KCNQ1: variants seen among roughly 807,000 people sequenced by gnomAD.
KCNQ1 encodes potassium voltage-gated channel subfamily KQT member 1.
KCNQ1 carries 49 observed loss-of-function variants against 72.4 expected under a neutral mutation model. That is an observed-to-expected ratio of 0.68 (90% CI 0.54 to 0.86). The LOEUF is 0.86. Among genes scored for constraint, KCNQ1 ranks in the 40% least tolerant of loss-of-function variants. The pLI is 0.00. For missense variants in KCNQ1, 790 were observed against 945.1 expected, an observed-to-expected ratio of 0.84 and a Z score of 2.15; for synonymous variants, 450 against 412.6, an observed-to-expected ratio of 1.09 and a Z score of -1.10.
chr11:2,721,280 G>C (rs188376979), intron 11 of KCNQ1, among the ~76,000 whole-genome samples: 1 of 152,164 alleles, frequency 6.6e-6, no homozygotes, highest in African/African-American at 2.4e-5. Flanking sequence ...AGCACTTCGG[G>C]GGTTGAAAAG....
rs558507741 is a variant in KCNQ1 at position 2,778,047 on chromosome 11, C to T, written c.1794+10C>T. On this transcript the variant is annotated intron_variant, in intron 15 of 15. Transcript: ENST00000155840. ...CCGAGTAGAAGACAAGGTAGGCTCA[C>T]GCGCCGGCCTGCGGTGGTTCTGGTT... The T allele has an allele frequency of 1.1e-5, 17 of 1,613,170 alleles. No individual in the cohort carries two copies. Among genetic ancestry groups the T allele is most frequent in the African/African-American group, 2.7e-5 (2 of 75,042 alleles).
intron 6 of KCNQ1, 74 bp downstream of exon 6, chr11:2,573,060 G>A (rs1483698986): frequency 1.8e-5 from 27 of 1,537,862 alleles, no homozygotes; most frequent in Non-Finnish European, 2.1e-5. Flanking sequence ...CTGGGCACTG[G>A]TGTCTTGAGA....
In KCNQ1 at chr11:2,609,015, T is replaced by C. The variant is rs186019929; in HGVS notation, c.1393+20161T>C. 7 of 398,468 alleles carry C rather than the reference T, an allele frequency of 1.8e-5. No homozygotes were observed. The Admixed American group carries it at 3.1e-4, about 18-fold the overall frequency. 24.7% of individuals were successfully genotyped at this position (398,468 alleles called of 1,614,324 possible). A position where few individuals can be genotyped will look rare whatever the true frequency, so the allele number is the denominator to read the frequency against. ...GGATTTGTTGACTTTATTATTTTTA[T>C]ATTCTATATTTTATTTCTACTCTAA... On this transcript the variant is annotated intron_variant, in intron 10 of 15. Coordinates refer to ENST00000155840, the MANE Select transcript of KCNQ1 (RefSeq NM_000218.3).
In KCNQ1 at chr11:2,482,508, C is replaced by T. The variant is rs910785373; in HGVS notation, c.386+37024C>T. 6.6e-6 allele frequency among the ~76,000 whole-genome samples: 1 copy of T among 152,170 alleles called. No individual in the cohort carries two copies. The highest frequency in any genetic ancestry group is 2.4e-5 in the African/African-American group (1 of 41,436). ...AACTCAAGATTATTTCCTTGGGTCA[C>T]ATTTGCAGGAGAAGACTGACAGGAT... On this transcript the variant is annotated intron_variant, in intron 1 of 15. Coordinates refer to ENST00000155840, the MANE Select transcript of KCNQ1 (RefSeq NM_000218.3). The surrounding 1 kb of genome is among the most constrained non-coding windows in gnomAD (Gnocchi z 5.7).
At chr11:2,590,400 C>T (rs984626180) in intron 10 of KCNQ1, among the ~76,000 whole-genome samples, 1 of 152,234 alleles carries the variant, frequency 6.6e-6, no homozygotes, top group Admixed American at 6.5e-5. Context: ...AAGCCCCCGT[C>T]CCAGGGCGTG....
chr11:2,846,677 C>G (rs934434456), intron 15 of KCNQ1, among the ~76,000 whole-genome samples: 1 of 152,254 alleles, frequency 6.6e-6, no homozygotes, highest in South Asian at 2.1e-4. Flanking sequence ...CGGCCAGGGC[C>G]TTCCAGTCTC....
At position 2,833,170 on chromosome 11, in the gene KCNQ1, G is replaced by T. The variant is rs113715362; in HGVS notation, c.1795-14597G>T. 5.5e-3 allele frequency among the ~76,000 whole-genome samples: 844 copies of T among 152,266 alleles called. 9 individuals carry two copies. The highest frequency in any genetic ancestry group is 0.019 in the African/African-American group (803 of 41,540). On this transcript the variant is annotated intron_variant, in intron 15 of 15. Coordinates refer to ENST00000155840, the MANE Select transcript of KCNQ1 (RefSeq NM_000218.3). ...GGGGTGCCTGTGTGCCTCTGGAGTC[G>T]AGGCAATTAGAGGCCCTGTGGAAGC...
intron 15 of KCNQ1, among the ~76,000 whole-genome samples, chr11:2,819,099 G>C (rs1440698575): frequency 6.6e-6 from 1 of 152,206 alleles, no homozygotes; most frequent in East Asian, 1.9e-4. Flanking sequence ...CCTGGCCTTT[G>C]TTCATTGGTT....
rs368788836 is a variant in KCNQ1, at chr11:2,462,248, G to A, written c.386+16764G>A. 2.6e-4 allele frequency among the ~76,000 whole-genome samples: 40 copies of A among 152,312 alleles called. No homozygotes were observed. The highest frequency in any genetic ancestry group is 9.4e-4 in the African/African-American group (39 of 41,562). On this transcript the variant is annotated intron_variant, in intron 1 of 15. Transcript: ENST00000155840. The surrounding 1 kb of genome is among the most constrained non-coding windows in gnomAD (Gnocchi z 8.2). ...GGCTGTTCTTGGGGCTGCCAGGCCT[G>A]CAAGGTAGACAGGCCTCTGGACTTG...
intron 1 of KCNQ1, among the ~76,000 whole-genome samples, chr11:2,460,129 G>A (rs950443806): frequency 2.0e-5 from 3 of 152,176 alleles, no homozygotes; most frequent in Non-Finnish European, 4.4e-5. Context: ...CCCATGGGCA[G>A]CAGAGGTGTC....
chr11:2,556,214 C>T (rs1288036860), intron 2 of KCNQ1, among the ~76,000 whole-genome samples: 1 of 152,192 alleles, frequency 6.6e-6, no homozygotes, highest in African/African-American at 2.4e-5. Flanking sequence ...ATAAGAACAC[C>T]AGTTGTATGG....
In KCNQ1 at chr11:2,677,875, C is replaced by T. The variant is rs182169333; in HGVS notation, c.1514+15794C>T. 1 of 398,522 alleles carries T rather than the reference C, an allele frequency of 2.5e-6. No homozygotes were observed. Among genetic ancestry groups the T allele is most frequent in the Non-Finnish European group, 4.4e-6 (1 of 226,038 alleles). 24.7% of individuals were successfully genotyped at this position (398,522 alleles called of 1,614,324 possible). A position where few individuals can be genotyped will look rare whatever the true frequency, so the allele number is the denominator to read the frequency against. On this transcript the variant is annotated intron_variant, in intron 11 of 15. Coordinates refer to ENST00000155840, the MANE Select transcript of KCNQ1 (RefSeq NM_000218.3). The surrounding 1 kb of genome is among the most constrained non-coding windows in gnomAD (Gnocchi z 4.5). ...TTACATCACTTTGACTGCACAAATGCACTTTCTTCCCCCACCCTTACCAAG... is the reference window on the plus strand; with the variant it reads ...TTACATCACTTTGACTGCACAAATGTACTTTCTTCCCCCACCCTTACCAAG...
rs975740830 is a variant in KCNQ1, at chr11:2,671,581, T to C, written c.1514+9500T>C. 5.0e-6 allele frequency: 2 copies of C among 398,654 alleles called. No individual in the cohort carries two copies. Among genetic ancestry groups the C allele is most frequent in the African/African-American group, 2.1e-5 (1 of 48,754 alleles). 24.7% of individuals were successfully genotyped at this position (398,654 alleles called of 1,614,324 possible). On this transcript the variant is annotated intron_variant, in intron 11 of 15. Transcript: ENST00000155840. This position sits in a 1 kb window ranked among gnomAD's most constrained non-coding sequence, Gnocchi z 4.7. ...CTAAGTCTTTGGCACTGAGCATTTA[T>C]ACAAGATCAGACTGCACTGCACCCT...
intron 2 of KCNQ1, 100 bp from the exon 3 acceptor site, chr11:2,570,528 A>G (rs1441531583): frequency 1.9e-5 from 29 of 1,523,482 alleles, no homozygotes; most frequent in Non-Finnish European, 2.6e-5. Flanking sequence ...GGTGTCCTTC[A>G]GCGGAGGCTC....
chr11:2,607,470 C>T lies in KCNQ1; in HGVS notation c.1393+18616C>T, dbSNP rs1467723643. Among the ~76,000 whole-genome samples, 9 of 152,238 alleles carry T rather than the reference C, an allele frequency of 5.9e-5. No homozygotes were observed. The East Asian group carries it at 1.7e-3, about 29-fold the overall frequency. ...GGTTAGGTCATGAGGGTGGAGACCT[C>T]ATGGAATGGATTAGTGCCCTTGTAA... On this transcript the variant is annotated intron_variant, in intron 10 of 15. Transcript: ENST00000155840.
chr11:2,753,832 A>C (rs1484513178), intron 11 of KCNQ1, among the ~76,000 whole-genome samples: 1 of 152,094 alleles, frequency 6.6e-6, no homozygotes, highest in African/African-American at 2.4e-5. Flanking sequence ...GCTTCCCTCT[A>C]TCTGAGGCTC....
intron 11 of KCNQ1, chr11:2,689,408 TGGGGAGCATA>T (rs1365414019): frequency 1.0e-5 from 4 of 398,414 alleles, no homozygotes; most frequent in African/African-American, 8.2e-5. Context: ...TCTTGGGAAA[TGGGGAGCATA>T]GGGGAGGAGG....
At position 2,848,562 on chromosome 11, in the gene KCNQ1, A is replaced by G; in HGVS notation, c.*559A>G. On this transcript the variant is annotated 3_prime_UTR_variant, in exon 16 of 16. Transcript: ENST00000155840. ...TCTCAGGAAATGCTGACCCATGGGC[A>G]GGAGACTGTGGAGACTGCTCCTGAG... 1 of 454,292 alleles carries G rather than the reference A, an allele frequency of 2.2e-6. No homozygotes were observed. Among genetic ancestry groups the G allele is most frequent in the Non-Finnish European group, 4.4e-6 (1 of 226,860 alleles). 28.1% of individuals were successfully genotyped at this position (454,292 alleles called of 1,614,324 possible).
chr11:2,587,100 C>G (rs929246597), intron 8 of KCNQ1, among the ~76,000 whole-genome samples: 1 of 152,194 alleles, frequency 6.6e-6, no homozygotes, highest in African/African-American at 2.4e-5. Context: ...CCCTAGGGAT[C>G]CTGCCTCTCC....
Sources: gnomAD v4.1 joint callset for allele counts (sites outside exome capture counted in the v4.1 genomes callset) on GRCh38, gnomAD v4.1.1 for gene constraint, Gnocchi (gnomAD v3.1) non-coding constraint, MANE v1.5 for transcripts, NCBI Gene and HGNC (gene_info 2026-07-23, HGNC 2026-07-21) for gene names.